The following DOCK4 variants were observed in gnomAD, a reference collection of about 807,000 sequenced individuals.
DOCK4 encodes the protein dedicator of cytokinesis protein 4.
A neutral mutation model predicts 268.1 loss-of-function variants in DOCK4; 97 were observed. That is an observed-to-expected ratio of 0.36 (90% CI 0.31 to 0.43). The LOEUF is 0.43. Among genes scored for constraint, DOCK4 ranks in the 20% least tolerant of loss-of-function variants. DOCK4 has a pLI of 1.00. For synonymous variants in DOCK4, 954 were observed against 887.2 expected (o/e 1.08, Z -1.34); for missense variants, 2,145 against 2,455.7 (o/e 0.87, Z 2.67).
chr7:111,991,724 G>A (rs1214010912), intron 5 of DOCK4, among the ~76,000 whole-genome samples: 1 of 151,284 alleles, frequency 6.6e-6, no homozygotes, highest in African/African-American at 2.4e-5. Context: ...CACTTTGGGA[G>A]GCCGAAGTGG....
At chr7:111,838,455 A>G (rs1041221282) in intron 25 of DOCK4, among the ~76,000 whole-genome samples, 1 of 152,204 alleles carries the variant, frequency 6.6e-6, no homozygotes, top group Non-Finnish European at 1.5e-5. Context: ...TATCCATACA[A>G]TGGAATACTA....
chr7:111,753,664 A>G (rs932607977), intron 42 of DOCK4, among the ~76,000 whole-genome samples: 3 of 152,218 alleles, frequency 2.0e-5, no homozygotes, highest in African/African-American at 7.2e-5. Flanking sequence ...AGGAATTTCA[A>G]TTCAACGTGA....
chr7:111,748,431 C>T (rs565507067), intron 42 of DOCK4, among the ~76,000 whole-genome samples: 13 of 152,164 alleles, frequency 8.5e-5, no homozygotes, highest in Admixed American at 7.2e-4. Context: ...AAAAGGCAAA[C>T]GACCCAATAA....
intron 42 of DOCK4, 47 bp downstream of exon 42, chr7:111,755,468 G>A: frequency 2.5e-6 from 4 of 1,573,818 alleles, no homozygotes; most frequent in Non-Finnish European, 3.5e-6. Context: ...AACTCCAAGT[G>A]AACAACTGTG....
intron 7 of DOCK4, among the ~76,000 whole-genome samples, chr7:111,979,844 A>G (rs1490685770): frequency 6.6e-6 from 1 of 152,236 alleles, no homozygotes; most frequent in Non-Finnish European, 1.5e-5. Context: ...TGAATCCAAT[A>G]TATCTAGATC....
At chr7:111,954,655 CG>C (rs1395703506) in intron 8 of DOCK4, among the ~76,000 whole-genome samples, 1 of 152,130 alleles carries the variant, frequency 6.6e-6, no homozygotes, top group African/African-American at 2.4e-5. Context: ...GGAGACTGTC[CG>C]GGTACTACGT....
chr7:111,861,992 A>G (rs754915824), intron 23 of DOCK4, among the ~76,000 whole-genome samples: 23 of 151,812 alleles, frequency 1.5e-4, no homozygotes, highest in Non-Finnish European at 3.4e-4. Flanking sequence ...ATCTGTGATG[A>G]ATTTCTTATT....
At chr7:111,834,517 C>G in intron 26 of DOCK4, 71 bp downstream of exon 26, 1 of 1,175,812 alleles carries the variant, frequency 8.5e-7, no homozygotes, top group African/African-American at 1.6e-5. Context: ...GGATTTATCT[C>G]AACAGTGATG....
chr7:111,949,121 TCTC>T (rs1795856793), intron 8 of DOCK4, among the ~76,000 whole-genome samples: 2 of 152,112 alleles, frequency 1.3e-5, no homozygotes, highest in South Asian at 4.1e-4. Flanking sequence ...CATTTTCCCT[TCTC>T]CTATATCATG....
In DOCK4 at chr7:112,155,935, C is replaced by T. The variant is rs1386685955; in HGVS notation, c.37+50167G>A. On this transcript the variant is annotated intron_variant, in intron 1 of 52. Transcript: ENST00000428084. ...AACTATAAATTTTTAATTTTATTTA[C>T]ATTTAATTCGTTTAAATTTAAAAAT... 2.6e-5 allele frequency among the ~76,000 whole-genome samples: 4 copies of T among 152,126 alleles called. No homozygotes were observed. In the East Asian group the frequency reaches 5.8e-4, roughly 22 times the overall value.
intron 1 of DOCK4, among the ~76,000 whole-genome samples, chr7:112,014,034 G>A (rs2059043131): frequency 6.6e-6 from 1 of 152,234 alleles, no homozygotes; most frequent in Non-Finnish European, 1.5e-5. Context: ...AAGGTGTGCA[G>A]TTGACTTATT....
chr7:111,744,256 C>A (rs755488588), intron 44 of DOCK4, among the ~76,000 whole-genome samples: 1 of 152,192 alleles, frequency 6.6e-6, no homozygotes, highest in Non-Finnish European at 1.5e-5. Flanking sequence ...TTGAGAGCCA[C>A]ATTTCCTGCA....
intron 12 of DOCK4, among the ~76,000 whole-genome samples, chr7:111,923,640 T>C (rs567259476): frequency 1.6e-4 from 25 of 152,354 alleles, no homozygotes; most frequent in African/African-American, 6.0e-4. Flanking sequence ...TCTTCTTTTA[T>C]CTGCACATTT....
chr7:112,004,832 AT>A (rs111337579), intron 1 of DOCK4, among the ~76,000 whole-genome samples: 1 of 152,170 alleles, frequency 6.6e-6, no homozygotes, highest in Non-Finnish European at 1.5e-5. Context: ...TTAATTATAG[AT>A]TAATGGTTTA....
chr7:112,013,467 G>A (rs1801531384), intron 1 of DOCK4, among the ~76,000 whole-genome samples: 1 of 152,156 alleles, frequency 6.6e-6, no homozygotes, highest in African/African-American at 2.4e-5. Flanking sequence ...GAGGAACAAA[G>A]TCCAAAGTTC....
intron 30 of DOCK4, among the ~76,000 whole-genome samples, chr7:111,793,546 ATG>A (rs1173516188): frequency 6.6e-6 from 1 of 152,210 alleles, no homozygotes; most frequent in Non-Finnish European, 1.5e-5. Context: ...TGTATATTGT[ATG>A]TGTTTACTGT....
intron 47 of DOCK4, among the ~76,000 whole-genome samples, chr7:111,740,640 C>T (rs1346572804): frequency 1.4e-5 from 2 of 138,750 alleles, no homozygotes; most frequent in Non-Finnish European, 3.0e-5. Flanking sequence ...GGCTGAGGCA[C>T]GAAAACTGCC....
At chr7:112,004,184 T>C in intron 1 of DOCK4, 53 bp from the exon 2 acceptor site, 1 of 1,319,726 alleles carries the variant, frequency 7.6e-7, no homozygotes, top group Non-Finnish European at 1.1e-6. Context: ...TTACAGCTTA[T>C]TATTACATGT....
intron 1 of DOCK4, among the ~76,000 whole-genome samples, chr7:112,146,078 C>T (rs1156906651): frequency 2.0e-5 from 3 of 152,152 alleles, no homozygotes; most frequent in Non-Finnish European, 4.4e-5. Flanking sequence ...CATCTAAAAT[C>T]ACAACATGGC....
Sources: gnomAD v4.1 joint callset for allele counts (sites outside exome capture counted in the v4.1 genomes callset) on GRCh38, gnomAD v4.1.1 for gene constraint, MANE v1.5 for transcripts, NCBI Gene and HGNC (gene_info 2026-07-23, HGNC 2026-07-21) for gene names.